NPM1: variants seen among roughly 807,000 people sequenced by gnomAD.
NPM1 encodes nucleophosmin.
NPM1 carries 1 observed loss-of-function variant against 44.1 expected under a neutral mutation model. The ratio of observed to expected loss-of-function variants is 0.02; its 90% CI spans 0.01 to 0.11. The LOEUF (loss-of-function observed/expected upper bound fraction) is 0.11. Among genes scored for constraint, NPM1 ranks in the 10% least tolerant of loss-of-function variants. NPM1 has a pLI of 1.00. For synonymous variants in NPM1, 126 were observed against 111.8 expected, an observed-to-expected ratio of 1.13 and a Z score of -0.80; for missense variants, 197 against 347.8, an observed-to-expected ratio of 0.57 and a Z score of 3.45.
Position 171,392,748 on chromosome 5 carries a change from G to A in NPM1, c.391G>A (p.Glu131Lys), listed in dbSNP as rs1770646163. Residue 131 changes from glutamate to lysine, a missense_variant, in exon 5 of 11, where the codon GAG becomes AAG. Physicochemically the swap from Glu to Lys is moderately conservative, Grantham distance 56 (BLOSUM62 1). Transcript: ENST00000296930. ...EDAESEDEEE[E>K]DVKLLSISGK... is the part of the protein sequence containing the mutation. Reference sequence around the variant, plus strand: ...TGCAGAGTCAGAAGATGAAGAGGAGGAGGATGTGAAACTCTTAAGTATATC... The same window carrying A: ...TGCAGAGTCAGAAGATGAAGAGGAGAAGGATGTGAAACTCTTAAGTATATC... 6.2e-7 allele frequency: 1 copy of A among 1,613,416 alleles called. No homozygotes were observed. Among genetic ancestry groups the A allele is most frequent in the Non-Finnish European group, 8.5e-7 (1 of 1,179,606 alleles).
intron 8 of NPM1, among the ~76,000 whole-genome samples, chr5:171,404,696 C>A (rs1319060266): frequency 1.4e-5 from 2 of 143,580 alleles, no homozygotes; most frequent in Non-Finnish European, 3.0e-5. Context: ...AGACGATGGG[C>A]GGCCAGGCAG....
At chr5:171,399,474 C>T (rs1290116720) in intron 6 of NPM1, among the ~76,000 whole-genome samples, 1 of 152,076 alleles carries the variant, frequency 6.6e-6, no homozygotes, top group Non-Finnish European at 1.5e-5. Flanking sequence ...TGAACTAAAA[C>T]GATCCTCCCA....
At chr5:171,391,828 T>A (rs1190569420) in intron 4 of NPM1, 29 bp downstream of exon 4, 1 of 1,380,496 alleles carries the variant, frequency 7.2e-7, no homozygotes, top group South Asian at 1.2e-5. Context: ...TTATACTACT[T>A]AGTTTGTCCT....
chr5:171,390,718 A>G (rs1208920822), intron 2 of NPM1, among the ~76,000 whole-genome samples: 1 of 134,718 alleles, frequency 7.4e-6, no homozygotes, highest in Non-Finnish European at 1.6e-5. Flanking sequence ...TTTTTAATAT[A>G]CCTTTCCTGT....
intron 6 of NPM1, among the ~76,000 whole-genome samples, chr5:171,395,963 A>AT (rs10709038): frequency 0.013 from 1,782 of 140,158 alleles, 33 homozygotes; most frequent in African/African-American, 0.032. Flanking sequence ...GTAAAGCTGA[A>AT]TTTTTTTTTT....
intron 8 of NPM1, among the ~76,000 whole-genome samples, chr5:171,403,668 C>A (rs1327711361): frequency 7.2e-6 from 1 of 138,160 alleles, no homozygotes; most frequent in African/African-American, 2.7e-5. Flanking sequence ...CCGGACGGGG[C>A]GGCTGGCCAG....
intron 8 of NPM1, among the ~76,000 whole-genome samples, chr5:171,402,889 G>C (rs2113249269): frequency 6.9e-6 from 1 of 145,834 alleles, no homozygotes; most frequent in African/African-American, 2.5e-5. Context: ...TTCCTATACA[G>C]CCTACAGCAC....
intron 2 of NPM1, 144 bp downstream of exon 2, chr5:171,390,274 T>C (rs1770503381): frequency 2.0e-6 from 1 of 509,062 alleles, no homozygotes; most frequent in Admixed American, 4.4e-5. Flanking sequence ...TGTACCTCAC[T>C]GTCTGTACAT....
At chr5:171,403,259 C>T (rs1465252934) in intron 8 of NPM1, among the ~76,000 whole-genome samples, 1 of 89,200 alleles carries the variant, frequency 1.1e-5, no homozygotes, top group East Asian at 3.2e-4. Flanking sequence ...ACATCTTGCA[C>T]CGCCCTTAAT....
intron 2 of NPM1, chr5:171,391,042 CAA>C: frequency 3.4e-6 from 1 of 297,674 alleles, no homozygotes; most frequent in Non-Finnish European, 6.2e-6. Flanking sequence ...CTTAGATGCA[CAA>C]ATACTGTGTT....
In NPM1 at chr5:171,408,147, C is replaced by CTTT. The variant is rs142729767; in HGVS notation, c.846+385_846+387dup. Among the ~76,000 whole-genome samples, 249 of 142,060 alleles carry CTTT rather than the reference C, an allele frequency of 1.8e-3. 1 individual carries two copies. The highest frequency in any genetic ancestry group is 5.4e-3 in the African/African-American group (208 of 38,670). The allele number at this position is 142,060 out of a possible 152,430, so 93.2% of individuals were successfully genotyped here. The stretch of plus-strand genomic sequence containing the variant: ...GGCTTTTTTGGGAGTTGGTAGAGAT[C>CTTT]TTTTTTTTTTTTTTCCTAGATCTTA... On this transcript the variant is annotated intron_variant, in intron 10 of 10. Coordinates refer to ENST00000296930, the MANE Select transcript of NPM1 (RefSeq NM_002520.7).
At chr5:171,407,559 T>C in intron 9 of NPM1, 141 bp from the exon 10 acceptor site, 1 of 656,702 alleles carries the variant, frequency 1.5e-6, no homozygotes. Context: ...CTGAAAAAGA[T>C]ACGGAGTATT....
chr5:171,388,078 G>GGGGGGGGC, intron 1 of NPM1, 72 bp downstream of exon 1: 1 of 616,752 alleles, frequency 1.6e-6, no homozygotes, highest in Admixed American at 2.0e-5. Context: ...TGAGGGGCGG[G>GGGGGGGGC]AATCCGGCTG....
chr5:171,387,831 G>C, upstream of NPM1: 2 of 945,508 alleles, frequency 2.1e-6, no homozygotes, highest in Non-Finnish European at 3.3e-6. Context: ...CTATATATAA[G>C]CGCGGGGAGC....
chr5:171,406,615 T>C (rs1334144731), intron 9 of NPM1: 35 of 1,367,326 alleles, frequency 2.6e-5, no homozygotes, highest in Non-Finnish European at 3.2e-5. Context: ...ACTGCTGTGA[T>C]TCAGTGAACC....
At chr5:171,390,190 A>G (rs1184774798) in intron 2 of NPM1, 60 bp downstream of exon 2, 1 of 991,130 alleles carries the variant, frequency 1.0e-6, no homozygotes, top group South Asian at 1.6e-5. Flanking sequence ...TTTAGTTTCT[A>G]TTCATGTGGC....
At chr5:171,393,726 C>T (rs1239445883) in intron 6 of NPM1, among the ~76,000 whole-genome samples, 1 of 152,138 alleles carries the variant, frequency 6.6e-6, no homozygotes, top group Non-Finnish European at 1.5e-5. Flanking sequence ...AGAGAACCTG[C>T]ATGAAAGATC....
upstream of NPM1, chr5:171,387,764 C>T (rs528457939): frequency 2.0e-5 from 13 of 637,428 alleles, no homozygotes; most frequent in East Asian, 3.3e-4. Context: ...GGTGGGAGGG[C>T]TTCGGAGCAC....
chr5:171,392,485 C>T (rs1400583966), intron 4 of NPM1, among the ~76,000 whole-genome samples: 1 of 152,098 alleles, frequency 6.6e-6, no homozygotes, highest in Non-Finnish European at 1.5e-5. Flanking sequence ...AGTGAGATTA[C>T]AGGCATGAGC....
Sources: allele counts gnomAD v4.1 joint callset (sites outside exome capture counted in the v4.1 genomes callset), GRCh38; gene constraint gnomAD v4.1.1; transcripts MANE v1.5; gene names NCBI Gene and HGNC (gene_info 2026-07-23, HGNC 2026-07-21).